Variants in LPP observed in about 807,000 individuals in gnomAD.
LPP encodes the protein LIM domain containing preferred translocation partner in lipoma.
Under a neutral mutation model 60.4 loss-of-function variants are expected in LPP, and 38 were observed. The observed-to-expected ratio is 0.63, with a 90% CI of 0.49 to 0.83. The LOEUF (loss-of-function observed/expected upper bound fraction) is 0.83. LPP is among the 40% of genes least tolerant of loss of function. The pLI is 0.00. For synonymous variants in LPP, 328 were observed against 290.8 expected (o/e 1.13, Z -1.30); for missense variants, 902 against 783.6 (o/e 1.15, Z -1.80).
At chr3:188,236,604 G>A (rs545845595) in intron 2 of LPP, among the ~76,000 whole-genome samples, 4 of 152,342 alleles carry the variant, frequency 2.6e-5, no homozygotes, top group Middle Eastern at 3.4e-3. Context: ...AAATATTGCA[G>A]TGAAGCGAGT....
chr3:188,646,433 C>A (rs930978756), intron 7 of LPP, among the ~76,000 whole-genome samples: 1 of 152,168 alleles, frequency 6.6e-6, no homozygotes, highest in African/African-American at 2.4e-5. Flanking sequence ...TAAAATAATT[C>A]TTTGCATACA....
At chr3:188,659,203 TTC>T (rs1854030405) in intron 7 of LPP, among the ~76,000 whole-genome samples, 1 of 152,218 alleles carries the variant, frequency 6.6e-6, no homozygotes, top group South Asian at 2.1e-4. Context: ...TATGATATAT[TTC>T]TCTGTGTCCC....
intron 6 of LPP, among the ~76,000 whole-genome samples, chr3:188,540,270 G>A (rs567351015): frequency 2.0e-5 from 3 of 152,034 alleles, no homozygotes; most frequent in Non-Finnish European, 2.9e-5. Context: ...TTTTTGCCCC[G>A]TATTAAAGAA....
intron 3 of LPP, among the ~76,000 whole-genome samples, chr3:188,373,920 A>G (rs1276765008): frequency 2.0e-5 from 3 of 152,152 alleles, no homozygotes; most frequent in South Asian, 2.1e-4. Context: ...TCAGCTTTCT[A>G]TATATGGCTG....
At chr3:188,202,518 T>C (rs1342147976) in intron 1 of LPP, among the ~76,000 whole-genome samples, 1 of 152,224 alleles carries the variant, frequency 6.6e-6, no homozygotes, top group African/African-American at 2.4e-5. Context: ...ATCAATGCTC[T>C]TGCATCTTGA....
At chr3:188,416,750 A>G (rs551995699) in intron 4 of LPP, among the ~76,000 whole-genome samples, 40 of 152,284 alleles carry the variant, frequency 2.6e-4, no homozygotes, top group South Asian at 1.5e-3. Context: ...AAAATTTCAA[A>G]CAACAACAAA....
At chr3:188,704,154 T>C (rs938276314) in intron 7 of LPP, among the ~76,000 whole-genome samples, 15 of 152,112 alleles carry the variant, frequency 9.9e-5, no homozygotes, top group African/African-American at 3.6e-4. Context: ...GGTGACACCA[T>C]ATTTTGGGCT....
At chr3:188,326,519 G>A (rs963175163) in intron 2 of LPP, among the ~76,000 whole-genome samples, 4 of 152,084 alleles carry the variant, frequency 2.6e-5, no homozygotes, top group African/African-American at 9.7e-5. Context: ...GGGCATGATC[G>A]TTTCTATACA....
At chr3:188,495,735 G>A (rs1002116048) in intron 5 of LPP, among the ~76,000 whole-genome samples, 2 of 152,156 alleles carry the variant, frequency 1.3e-5, no homozygotes, top group Non-Finnish European at 2.9e-5. Context: ...TGGTACGAAA[G>A]CCCTATTGGG....
At chr3:188,353,312 G>A (rs557162158) in intron 3 of LPP, among the ~76,000 whole-genome samples, 4 of 152,208 alleles carry the variant, frequency 2.6e-5, no homozygotes, top group African/African-American at 9.6e-5. Flanking sequence ...TTGTTGAGTT[G>A]AACTTAGTTG....
In LPP at chr3:188,637,212, C is replaced by T. The variant is rs1016978109; in HGVS notation, c.1113+27368C>T. ...CTAGAACTCAGGATTAAGAATCTCA[C>T]TCAAAACCACTCAACTACATGGAAA... On this transcript the variant is annotated intron_variant, in intron 7 of 11. Coordinates refer to ENST00000617246, the MANE Select transcript of LPP (RefSeq NM_001375462.1). Among the ~76,000 whole-genome samples the T allele has an allele frequency of 7.2e-5, 11 of 152,100 alleles. No individual in the cohort carries two copies. In the South Asian group the frequency reaches 1.5e-3, roughly 20 times the overall value.
At chr3:188,184,363 G>A (rs557870687) in intron 1 of LPP, among the ~76,000 whole-genome samples, 1 of 152,314 alleles carries the variant, frequency 6.6e-6, no homozygotes, top group East Asian at 1.9e-4. Context: ...CCATCCAGGA[G>A]GGAAGGGAGA....
At chr3:188,251,764 C>T (rs1009839165) in intron 2 of LPP, among the ~76,000 whole-genome samples, 5 of 151,942 alleles carry the variant, frequency 3.3e-5, no homozygotes, top group Non-Finnish European at 5.9e-5. Flanking sequence ...CTTCATGTGT[C>T]TTTCCCCTAT....
At chr3:188,691,020 A>G (rs915159130) in intron 7 of LPP, among the ~76,000 whole-genome samples, 3 of 152,172 alleles carry the variant, frequency 2.0e-5, no homozygotes, top group African/African-American at 7.2e-5. Flanking sequence ...GAGAAACAGT[A>G]TTAGCTACTC....
chr3:188,326,320 C>T (rs1758417664), intron 2 of LPP, among the ~76,000 whole-genome samples: 1 of 152,148 alleles, frequency 6.6e-6, no homozygotes, highest in Non-Finnish European at 1.5e-5. Context: ...TTTTCTGAGT[C>T]AGTTTAAAAT....
chr3:188,742,873 A>G (rs1036011910), intron 8 of LPP, among the ~76,000 whole-genome samples: 3 of 152,144 alleles, frequency 2.0e-5, no homozygotes, highest in African/African-American at 7.2e-5. Context: ...TTTTTCACCA[A>G]TTGGTTTGAA....
intron 8 of LPP, among the ~76,000 whole-genome samples, chr3:188,717,105 G>C (rs1367363149): frequency 6.6e-6 from 1 of 152,096 alleles, no homozygotes; most frequent in Non-Finnish European, 1.5e-5. Context: ...CACTCCCCAG[G>C]GCTCTCCACT....
intron 6 of LPP, among the ~76,000 whole-genome samples, chr3:188,533,406 C>G (rs372480509): frequency 6.6e-6 from 1 of 152,286 alleles, no homozygotes; most frequent in East Asian, 1.9e-4. Context: ...GGCAAGGCTG[C>G]TTGGGACTTG....
chr3:188,360,899 C>A (rs1273450502), intron 3 of LPP, among the ~76,000 whole-genome samples: 1 of 152,128 alleles, frequency 6.6e-6, no homozygotes, highest in African/African-American at 2.4e-5. Flanking sequence ...CCTTGTACTG[C>A]AGAAGCTCAT....
Sources: gnomAD v4.1 joint callset for allele counts (sites outside exome capture counted in the v4.1 genomes callset) on GRCh38, gnomAD v4.1.1 for gene constraint, MANE v1.5 for transcripts, NCBI Gene and HGNC (gene_info 2026-07-23, HGNC 2026-07-21) for gene names.